Variants in THSD4 observed in about 807,000 individuals in gnomAD.
The protein encoded by THSD4 is thrombospondin type-1 domain-containing protein 4.
Under a neutral mutation model 119.0 loss-of-function variants are expected in THSD4, and 69 were observed. That is an observed-to-expected ratio of 0.58 (90% CI 0.48 to 0.71). The LOEUF (loss-of-function observed/expected upper bound fraction) is 0.71. Ranked by LOEUF, THSD4 falls within the 30% of genes least tolerant of loss-of-function variation. THSD4 has a pLI of 0.00. For missense variants in THSD4, 1,393 were observed against 1,391.1 expected (o/e 1.00, Z -0.02); for synonymous variants, 524 against 540.4 (o/e 0.97, Z 0.42).
intron 7 of THSD4, among the ~76,000 whole-genome samples, chr15:71,514,772 A>G (rs1301485555): frequency 6.6e-6 from 1 of 152,250 alleles, no homozygotes; most frequent in Non-Finnish European, 1.5e-5. Context: ...ATTTTAAACA[A>G]AAATGGGATC....
At chr15:71,543,640 G>T (rs2048792865) in intron 7 of THSD4, among the ~76,000 whole-genome samples, 1 of 152,218 alleles carries the variant, frequency 6.6e-6, no homozygotes, top group African/African-American at 2.4e-5. Flanking sequence ...TGTTGAATTT[G>T]GAGTACATTT....
chr15:71,670,628 C>G (rs575530038), intron 8 of THSD4, among the ~76,000 whole-genome samples: 1 of 152,078 alleles, frequency 6.6e-6, no homozygotes, highest in East Asian at 1.9e-4. Context: ...GGTATATCTC[C>G]TAATGCTATC....
intron 2 of THSD4, among the ~76,000 whole-genome samples, chr15:71,154,195 T>C (rs2040753837): frequency 6.6e-6 from 1 of 152,218 alleles, no homozygotes; most frequent in African/African-American, 2.4e-5. Flanking sequence ...GCTGCGATTC[T>C]AGCCTGGCTC....
chr15:71,143,214 C>T (rs938457172), intron 2 of THSD4, among the ~76,000 whole-genome samples: 9 of 152,076 alleles, frequency 5.9e-5, no homozygotes, highest in African/African-American at 1.9e-4. Flanking sequence ...CCCAAATTAA[C>T]GTTTGGTGAT....
chr15:71,451,202 G>C (rs2047259539), intron 7 of THSD4, among the ~76,000 whole-genome samples: 1 of 152,178 alleles, frequency 6.6e-6, no homozygotes, highest in Non-Finnish European at 1.5e-5. Context: ...GAGGCTTCTA[G>C]GGGTGGTAGC....
chr15:71,643,482 C>A (rs2140967819), intron 7 of THSD4, among the ~76,000 whole-genome samples: 1 of 152,172 alleles, frequency 6.6e-6, no homozygotes, highest in East Asian at 1.9e-4. Context: ...CTCAAGTAGG[C>A]CCCAGTGTGT....
intron 7 of THSD4, among the ~76,000 whole-genome samples, chr15:71,614,198 C>A (rs1029128478): frequency 1.3e-5 from 2 of 152,194 alleles, no homozygotes; most frequent in Admixed American, 6.5e-5. Flanking sequence ...AGAAGAGTAC[C>A]TTTGTTTGGG....
chr15:71,473,154 G>A (rs940155699), intron 7 of THSD4, among the ~76,000 whole-genome samples: 7 of 150,918 alleles, frequency 4.6e-5, no homozygotes, highest in African/African-American at 1.2e-4. Context: ...CCTTGCAGGC[G>A]CAAGCAAATC....
At chr15:71,528,962 T>C (rs1174169856) in intron 7 of THSD4, among the ~76,000 whole-genome samples, 1 of 152,238 alleles carries the variant, frequency 6.6e-6, no homozygotes. Flanking sequence ...AAAGACTCTT[T>C]CGTTGTCTGC....
intron 7 of THSD4, among the ~76,000 whole-genome samples, chr15:71,468,110 A>G (rs2047525782): frequency 6.6e-6 from 1 of 152,114 alleles, no homozygotes; most frequent in African/African-American, 2.4e-5. Context: ...CAGCCTCCCA[A>G]AATGCTGGGA....
chr15:71,582,884 G>A (rs2140851746), intron 7 of THSD4, among the ~76,000 whole-genome samples: 1 of 152,198 alleles, frequency 6.6e-6, no homozygotes, highest in East Asian at 1.9e-4. Flanking sequence ...TAGTATACTA[G>A]TATTTTGTTG....
intron 6 of THSD4, among the ~76,000 whole-genome samples, chr15:71,378,583 A>C (rs868335252): frequency 6.6e-6 from 1 of 152,254 alleles, no homozygotes; most frequent in Non-Finnish European, 1.5e-5. Context: ...GTAATTGCAT[A>C]TATAAAGTAC....
chr15:71,723,779 T>A (rs2052767245), intron 8 of THSD4, among the ~76,000 whole-genome samples: 1 of 151,922 alleles, frequency 6.6e-6, no homozygotes, highest in Non-Finnish European at 1.5e-5. Context: ...ATCTAAAGAA[T>A]GAATAGGGCC....
At chr15:71,776,620 T>C (rs1035547666) in intron 17 of THSD4, among the ~76,000 whole-genome samples, 1 of 152,150 alleles carries the variant, frequency 6.6e-6, no homozygotes, top group South Asian at 2.1e-4. Flanking sequence ...AAGTTGGATA[T>C]ACCTTATGAC....
intron 3 of THSD4, among the ~76,000 whole-genome samples, chr15:71,192,407 C>T (rs1389494245): frequency 6.6e-6 from 1 of 151,912 alleles, no homozygotes; most frequent in Non-Finnish European, 1.5e-5. Flanking sequence ...CTCAAGTACC[C>T]GAGTGGCTGG....
intron 8 of THSD4, among the ~76,000 whole-genome samples, chr15:71,722,767 C>T (rs1389456184): frequency 1.3e-5 from 2 of 152,170 alleles, no homozygotes; most frequent in African/African-American, 4.8e-5. Flanking sequence ...CCCTTCTTAT[C>T]TCCCATCTCA....
At chr15:71,675,487 G>C (rs1384270597) in intron 8 of THSD4, among the ~76,000 whole-genome samples, 15 of 152,304 alleles carry the variant, frequency 9.8e-5, no homozygotes, top group Non-Finnish European at 5.9e-5. Context: ...GTGCTCAGTG[G>C]TGTGGATACA....
At chr15:71,148,914 T>C (rs896474922) in intron 2 of THSD4, among the ~76,000 whole-genome samples, 2 of 152,164 alleles carry the variant, frequency 1.3e-5, no homozygotes, top group African/African-American at 4.8e-5. Context: ...GCAAAATGGG[T>C]ATAATAAAAG....
chr15:71,172,733 A>ATGTGTGTGTGTG (rs1448878573), intron 3 of THSD4, among the ~76,000 whole-genome samples: 1 of 93,948 alleles, frequency 1.1e-5, no homozygotes, highest in African/African-American at 5.4e-5. Flanking sequence ...ATATATATAT[A>ATGTGTGTGTGTG]TGTGGACAAT....
Sources: gnomAD v4.1 joint callset for allele counts (sites outside exome capture counted in the v4.1 genomes callset) on GRCh38, gnomAD v4.1.1 for gene constraint, MANE v1.5 for transcripts, NCBI Gene and HGNC (gene_info 2026-07-23, HGNC 2026-07-21) for gene names.